The following CRB2 variants were observed in gnomAD, a reference collection of about 807,000 sequenced individuals.
CRB2 encodes the protein crumbs cell polarity complex component 2, also known as protein crumbs homolog 2.
A neutral mutation model predicts 110.9 loss-of-function variants in CRB2; 85 were observed. That is an observed-to-expected ratio of 0.77 (90% confidence interval 0.64 to 0.92). The LOEUF is 0.92. CRB2 is among the 40% of genes least tolerant of loss of function. CRB2 has a pLI of 0.00. For missense variants in CRB2, 1,843 were observed against 1,851.3 expected (o/e 1.00, Z 0.08); for synonymous variants, 907 against 831.0 (o/e 1.09, Z -1.57).
At chr9:123,366,513 A>AG in intron 4 of CRB2, 147 bp downstream of exon 4, 1 of 1,051,902 alleles carries the variant, frequency 9.5e-7, no homozygotes, top group Non-Finnish European at 1.3e-6. Flanking sequence ...AACCTGTCGG[A>AG]GCCTCAGTTT....
intron 4 of CRB2, 152 bp downstream of exon 4, chr9:123,366,518 C>G: frequency 9.7e-7 from 1 of 1,026,856 alleles, no homozygotes; most frequent in Non-Finnish European, 1.3e-6. Context: ...GTCGGAGCCT[C>G]AGTTTCCTGA....
chr9:123,369,423 C>T (rs542917280), intron 6 of CRB2, among the ~76,000 whole-genome samples: 1 of 152,298 alleles, frequency 6.6e-6, no homozygotes, highest in South Asian at 2.1e-4. Flanking sequence ...CCTGGGACTG[C>T]AGAGTGACAC....
intron 1 of CRB2, among the ~76,000 whole-genome samples, chr9:123,357,467 C>T (rs765317189): frequency 2.6e-5 from 4 of 152,142 alleles, no homozygotes; most frequent in Non-Finnish European, 5.9e-5. Flanking sequence ...GTTTCCCGCA[C>T]TCACAAAGCT....
At chr9:123,374,775 T>C in intron 11 of CRB2, 80 bp downstream of exon 11, 6 of 963,762 alleles carry the variant, frequency 6.2e-6, no homozygotes, top group African/African-American at 1.6e-5. Context: ...GGGGCGGGGG[T>C]CCTCGCCCAC....
chr9:123,379,703 G>GGACTT (rs2042180198), downstream of CRB2: 1 of 152,300 alleles, frequency 6.6e-6, no homozygotes, highest in South Asian at 2.1e-4. Flanking sequence ...TCATCCTTGG[G>GGACTT]TTTGCAAAAA....
intron 1 of CRB2, among the ~76,000 whole-genome samples, chr9:123,359,456 T>G (rs762165389): frequency 0.01 from 1,458 of 139,138 alleles, 74 homozygotes; most frequent in African/African-American, 0.022. Flanking sequence ...TTTTTTTTTT[T>G]TTTTTTTTTT....
intron 5 of CRB2, 81 bp downstream of exon 5, chr9:123,367,438 A>ACCCCCCCCCC: frequency 1.3e-6 from 1 of 747,516 alleles, no homozygotes; most frequent in Non-Finnish European, 1.8e-6. Flanking sequence ...CACCCCCCCC[A>ACCCCCCCCCC]CCCCCCCACC....
chr9:123,376,689 G>A, intron 12 of CRB2, 149 bp from the exon 13 acceptor site: 1 of 719,006 alleles, frequency 1.4e-6, no homozygotes, highest in Admixed American at 2.9e-5. Context: ...GCATACCCCT[G>A]GGGCTGGGTC....
downstream of CRB2, chr9:123,378,810 T>TTTTTTTTTTTG (rs2042151629): frequency 1.4e-5 from 1 of 69,176 alleles, no homozygotes; most frequent in South Asian, 7.0e-4. Flanking sequence ...TTTTTGTTTT[T>TTTTTTTTTTTG]TTTTTTTTTT....
In CRB2 at chr9:123,366,101, C is replaced by T; in HGVS notation, c.603C>T (p.Asp201=). Residue 201 remains aspartate, a synonymous_variant, in exon 3 of 13, where the codon GAC becomes GAT. Coordinates refer to ENST00000373631, the MANE Select transcript of CRB2 (RefSeq NM_173689.7). ...QPCAHGGTCH[D]LVNGFRCDCA... is the part of the protein sequence containing the mutation. ...GCGCACATGGGGGCACGTGCCACGACCTGGTCAACGGGTGAGCGAGCGGCG... is the reference window on the plus strand; with the variant it reads ...GCGCACATGGGGGCACGTGCCACGATCTGGTCAACGGGTGAGCGAGCGGCG... The T allele has an allele frequency of 2.0e-6, 3 of 1,511,756 alleles. No homozygotes were observed. Among genetic ancestry groups the T allele is most frequent in the Non-Finnish European group, 2.6e-6 (3 of 1,136,878 alleles). 93.6% of individuals were successfully genotyped at this position (1,511,756 alleles called of 1,614,324 possible). A position where few individuals can be genotyped will look rare whatever the true frequency, so the allele number is the denominator to read the frequency against.
Position 123,370,820 on chromosome 9 carries a change from C to T in CRB2, c.1767C>T (p.Leu589=). 2 of 1,605,124 alleles carry T rather than the reference C, an allele frequency of 1.2e-6. No individual in the cohort carries two copies. Among genetic ancestry groups the T allele is most frequent in the Non-Finnish European group, 1.7e-6 (2 of 1,179,962 alleles). The change falls in exon 7 of 13, where the codon CTC becomes CTT. Residue 589 remains leucine, a synonymous_variant. Coordinates refer to ENST00000373631, the MANE Select transcript of CRB2 (RefSeq NM_173689.7). ...CLQDVRVDGH[L]LLPEDLGENV... is the part of the protein sequence containing the mutation. ...AGGACGTGCGTGTGGATGGCCACCT[C>T]CTGCTGCCTGAGGATCTCGGTGAGA...
rs750481246 is a variant in CRB2 at position 123,373,711 on chromosome 9, T to C, written c.3180T>C (p.Cys1060=). 6 of 1,522,474 alleles carry C rather than the reference T, an allele frequency of 3.9e-6. No homozygotes were observed. In the Admixed American group the frequency reaches 6.2e-5, roughly 16 times the overall value. The allele number at this position is 1,522,474 out of a possible 1,614,324, so 94.3% of individuals were successfully genotyped here. A position where few individuals can be genotyped will look rare whatever the true frequency, so the allele number is the denominator to read the frequency against. ...PILGCRGAPV[C]APSPCLHDGA... Reference sequence around the variant, plus strand: ...TCGGCTGCCGCGGCGCGCCCGTGTGTGCGCCCTCGCCCTGTCTGCACGACG... The same window carrying C: ...TCGGCTGCCGCGGCGCGCCCGTGTGCGCGCCCTCGCCCTGTCTGCACGACG... Residue 1060 remains cysteine (C), a synonymous_variant, in exon 10 of 13, where the codon TGT becomes TGC. Coordinates refer to ENST00000373631, the MANE Select transcript of CRB2 (RefSeq NM_173689.7).
chr9:123,366,727 C>T (rs12552761), intron 4 of CRB2, among the ~76,000 whole-genome samples: 49,461 of 151,758 alleles, frequency 0.33, 8,475 homozygotes, highest in Non-Finnish European at 0.38. Flanking sequence ...CTGAGGCGGG[C>T]GGATCACGAG....
chr9:123,363,055 C>A lies in CRB2; in HGVS notation c.285C>A (p.Tyr95Ter). 1.9e-6 allele frequency: 3 copies of A among 1,611,956 alleles called. No individual in the cohort carries two copies. The highest frequency in any genetic ancestry group is 3.3e-5 in the Admixed American group (2 of 60,014). ...QGPDPTGFRC[Y>*]CVPGFQGPRC... ...CAGATCCCACCGGCTTCCGCTGCTA[C>A]TGCGTGCCGGGTTTCCAGGGCCCAC... Residue 95 changes from tyrosine to a stop codon, truncating the protein, a stop_gained, in exon 2 of 13, where the codon TAC (tyrosine) becomes TAA (stop). Coordinates refer to ENST00000373631, the MANE Select transcript of CRB2 (RefSeq NM_173689.7). LOFTEE classifies it high-confidence loss of function.
At position 123,369,657 on chromosome 9, in the gene CRB2, G is replaced by A. The variant is rs994787512; in HGVS notation, c.1055-451G>A. ...GGATTGAGGCTTGAGAGCCTGGTAGGACCCAGCCCATGAGGGTGTCTTAAA... is the reference window on the plus strand; with the variant it reads ...GGATTGAGGCTTGAGAGCCTGGTAGAACCCAGCCCATGAGGGTGTCTTAAA... On this transcript the variant is annotated intron_variant, in intron 6 of 12. Coordinates refer to ENST00000373631, the MANE Select transcript of CRB2 (RefSeq NM_173689.7). 4.9e-4 allele frequency among the ~76,000 whole-genome samples: 75 copies of A among 152,172 alleles called. 1 individual carries two copies. Among genetic ancestry groups the A allele is most frequent in the Admixed American group, 3.9e-4 (6 of 15,284 alleles).
chr9:123,372,082 T>C (rs916938275), intron 8 of CRB2, 95 bp from the exon 9 acceptor site: 10 of 1,208,520 alleles, frequency 8.3e-6, no homozygotes, highest in South Asian at 1.3e-5. Flanking sequence ...ACTGTGTCTG[T>C]AGTAGGTGCT....
chr9:123,376,781 GC>G, intron 12 of CRB2, 56 bp from the exon 13 acceptor site: 1 of 1,469,684 alleles, frequency 6.8e-7, no homozygotes, highest in African/African-American at 1.4e-5. Flanking sequence ...CTCTCTGAGG[GC>G]CCCGGCGTCC....
At chr9:123,366,986 A>C (rs1247885769) in intron 4 of CRB2, among the ~76,000 whole-genome samples, 186 bp from the exon 5 acceptor site, 1 of 150,740 alleles carries the variant, frequency 6.6e-6, no homozygotes, top group Non-Finnish European at 1.5e-5. Flanking sequence ...TAGTAATAGC[A>C]GTAATAGGCC....
intron 12 of CRB2, among the ~76,000 whole-genome samples, chr9:123,375,981 C>T (rs1461034566): frequency 2.0e-5 from 3 of 152,120 alleles, no homozygotes; most frequent in East Asian, 1.9e-4. Flanking sequence ...CTACAGGCTT[C>T]TGGCAGCCTG....
Sources: allele counts gnomAD v4.1 joint callset (sites outside exome capture counted in the v4.1 genomes callset), GRCh38; gene constraint gnomAD v4.1.1; transcripts MANE v1.5; gene names NCBI Gene and HGNC (gene_info 2026-07-23, HGNC 2026-07-21).